Variants in CA6 observed in about 807,000 individuals in gnomAD.
CA6 encodes carbonic anhydrase 6.
In CA6, 28 loss-of-function variants were observed where a neutral mutation model predicts 35.9. That is an observed-to-expected ratio of 0.78 (90% CI 0.58 to 1.07). The LOEUF (loss-of-function observed/expected upper bound fraction) is 1.07. CA6 is among the 50% of genes least tolerant of loss of function. The pLI is 0.00. For synonymous variants in CA6, 148 were observed against 152.6 expected, an observed-to-expected ratio of 0.97 and a Z score of 0.22; for missense variants, 377 against 382.0, an observed-to-expected ratio of 0.99 and a Z score of 0.11.
At position 8,951,109 on chromosome 1, in the gene CA6, G is replaced by A. The variant is rs748665975; in HGVS notation, c.259+1667G>A. 7.2e-5 allele frequency among the ~76,000 whole-genome samples: 11 copies of A among 152,092 alleles called. 1 individual carries two copies. Among genetic ancestry groups the A allele is most frequent in the African/African-American group, 1.7e-4 (7 of 41,442 alleles). ...CGCATGCCTGTAATCCCAGCTACTC[G>A]GGAGGCTGAGGCAGGAGAATCACTT... On this transcript the variant is annotated intron_variant, in intron 2 of 7. Transcript: ENST00000377443.
chr1:8,946,087 G>C lies in CA6; in HGVS notation c.79+122G>C. 7 of 654,250 alleles carry C rather than the reference G, an allele frequency of 1.1e-5. 1 individual carries two copies. The highest frequency in any genetic ancestry group is 5.5e-5 in the African/African-American group (3 of 54,438). The allele number at this position is 654,250 out of a possible 1,614,324, so 40.5% of individuals were successfully genotyped here. A position where few individuals can be genotyped will look rare whatever the true frequency, so the allele number is the denominator to read the frequency against. On this transcript the variant is annotated intron_variant, in intron 1 of 7. Transcript: ENST00000377443. ...AAGTCTTGCTCTGTTGCCCAGGCTT[G>C]AGTACAGTAGTGTGATGTTGGCTCA...
intron 4 of CA6, among the ~76,000 whole-genome samples, chr1:8,961,527 T>C (rs1344538367): frequency 6.6e-6 from 1 of 152,140 alleles, no homozygotes; most frequent in Admixed American, 6.6e-5. Context: ...ATGGTAATCA[T>C]TTGAGCAACC....
At chr1:8,951,234 G>A (rs28390126) in intron 2 of CA6, among the ~76,000 whole-genome samples, 5,661 of 33,616 alleles carry the variant, frequency 0.17, 272 homozygotes, top group African/African-American at 0.33. Context: ...AAAAAAAAAA[G>A]AAAGAAAGAA....
intron 7 of CA6, among the ~76,000 whole-genome samples, chr1:8,972,662 G>A (rs922371623): frequency 6.6e-5 from 10 of 151,960 alleles, no homozygotes; most frequent in Admixed American, 2.6e-4. Context: ...CAGCCTGGGC[G>A]ACAGAGAGAG....
At chr1:8,952,963 TG>T (rs1282307732) in intron 2 of CA6, among the ~76,000 whole-genome samples, 2 of 152,230 alleles carry the variant, frequency 1.3e-5, no homozygotes, top group African/African-American at 4.8e-5. Flanking sequence ...AGTCAGGTTT[TG>T]AAAGGTTTCT....
chr1:8,959,118 C>T (rs529832256), intron 4 of CA6, 116 bp downstream of exon 4: 2 of 669,896 alleles, frequency 3.0e-6, no homozygotes, highest in East Asian at 2.7e-5. Context: ...TTTTCCTGAG[C>T]TCACAGTTCT....
intron 5 of CA6, among the ~76,000 whole-genome samples, chr1:8,967,299 C>A (rs922292021): frequency 3.9e-5 from 6 of 152,196 alleles, no homozygotes; most frequent in African/African-American, 1.4e-4. Flanking sequence ...AGCAGTTACA[C>A]TTAGGAGTAC....
chr1:8,954,185 T>C lies in CA6; in HGVS notation c.260-2952T>C, dbSNP rs1008726539. ...TTCCACTACTTCCGTTTTTTTTTTT[T>C]TTTGGAGACAGAATCTTGCTCTGAG... On this transcript the variant is annotated intron_variant, in intron 2 of 7. Transcript: ENST00000377443. Among the ~76,000 whole-genome samples, 64 of 152,086 alleles carry C rather than the reference T, an allele frequency of 4.2e-4. 1 individual carries two copies. The highest frequency in any genetic ancestry group is 1.4e-3 in the Admixed American group (21 of 15,256).
At chr1:8,955,538 T>C (rs1412038532) in intron 2 of CA6, among the ~76,000 whole-genome samples, 1 of 143,986 alleles carries the variant, frequency 6.9e-6, no homozygotes, top group East Asian at 2.2e-4. Flanking sequence ...TCTCCTGTGG[T>C]GCTTACTGTC....
chr1:8,948,969 CAA>C (rs35309398), intron 1 of CA6, among the ~76,000 whole-genome samples: 112 of 141,038 alleles, frequency 7.9e-4, no homozygotes, highest in South Asian at 1.8e-3. Context: ...GACCCTGTCT[CAA>C]AAAAAAAAAA....
chr1:8,953,643 A>AG (rs1240796303), intron 2 of CA6, among the ~76,000 whole-genome samples: 11 of 137,190 alleles, frequency 8.0e-5, no homozygotes, highest in Non-Finnish European at 1.3e-4. Context: ...CAATCAGTCA[A>AG]TCAATCAATC....
At chr1:8,960,789 C>CACACACACACACACACATATATATAT (rs59987426) in intron 4 of CA6, among the ~76,000 whole-genome samples, 80 of 116,940 alleles carry the variant, frequency 6.8e-4, no homozygotes, top group Non-Finnish European at 1.1e-3. Flanking sequence ...CACACACACA[C>CACACACACACACACACATATATATAT]ATATATATAA....
intron 7 of CA6, 170 bp from the exon 8 acceptor site, chr1:8,974,452 C>A: frequency 6.6e-7 from 1 of 1,522,286 alleles, no homozygotes; most frequent in Non-Finnish European, 8.8e-7. Context: ...TGAGTTCAAA[C>A]ACAGTGAAGA....
chr1:8,951,663 G>C, intron 2 of CA6: 1 of 764,602 alleles, frequency 1.3e-6, no homozygotes, highest in South Asian at 1.3e-5. Flanking sequence ...AGCGGCTCCC[G>C]CCTCCCAATT....
In CA6 at chr1:8,947,062, C is replaced by G. The variant is rs890420231; in HGVS notation, c.79+1097C>G. On this transcript the variant is annotated intron_variant, in intron 1 of 7. Transcript: ENST00000377443. ...CAAGTGATCCGCCCACCTTAGCCTC[C>G]CAAAGTGCTGGGATTACAGGCGTGA... is the stretch of plus-strand genomic sequence containing the variant. Among the ~76,000 whole-genome samples the G allele has an allele frequency of 4.6e-5, 7 of 152,028 alleles. No individual in the cohort carries two copies. In the East Asian group the frequency reaches 1.3e-3, roughly 29 times the overall value.
intron 2 of CA6, 145 bp from the exon 3 acceptor site, chr1:8,956,992 T>G: frequency 1.5e-6 from 1 of 648,080 alleles, no homozygotes; most frequent in East Asian, 3.0e-5. Context: ...TTGGTGACCC[T>G]GCCCATGGCA....
At position 8,962,685 on chromosome 1, in the gene CA6, G is replaced by A. The variant is rs374270351; in HGVS notation, c.571+29G>A. The A allele has an allele frequency of 2.9e-5, 46 of 1,584,830 alleles. No individual in the cohort carries two copies. The African/African-American group carries it at 5.4e-4, about 19-fold the overall frequency. The stretch of plus-strand genomic sequence containing the variant: ...AGGGAAGCCAACTGTGGCTGCAGGA[G>A]GGAAGGGGAATGAGTGTGAGTGTGA... On this transcript the variant is annotated intron_variant, in intron 5 of 7. Coordinates refer to ENST00000377443, the MANE Select transcript of CA6 (RefSeq NM_001215.4).
In CA6 at chr1:8,963,076, GT is replaced by G. The variant is rs548435484; in HGVS notation, c.571+421del. Among the ~76,000 whole-genome samples, 39 of 152,192 alleles carry G rather than the reference GT, an allele frequency of 2.6e-4. No homozygotes were observed. The highest frequency in any genetic ancestry group is 4.0e-4 in the Non-Finnish European group (27 of 68,010). On this transcript the variant is annotated intron_variant, in intron 5 of 7. Transcript: ENST00000377443. This position sits in a 1 kb window ranked among gnomAD's most constrained non-coding sequence, Gnocchi z 4.1. Reference sequence around the variant, plus strand: ...ATCCAGACACTCGGGGTGTTCTTCCGTCCCCTCTCCTCCAGAGGGCGGCGTT... The same window carrying G: ...ATCCAGACACTCGGGGTGTTCTTCCGCCCCTCTCCTCCAGAGGGCGGCGTT...
rs1208281753 is a variant in CA6, at chr1:8,957,221, G to A, written c.344G>A (p.Gly115Glu). Residue 115 changes from glycine (G) to glutamate (E), a missense_variant, in exon 3 of 8, where the codon GGA becomes GAA. Gly to Glu is a moderately conservative substitution (Grantham distance 98). Transcript: ENST00000377443. ...GCCCAGCAGATGCACTTTCACTGGG[G>A]AGGTGCGTCCTCGGAGATCAGCGGC... ...YIAQQMHFHW[G>E]GASSEISGSE... 2 of 1,613,986 alleles carry A rather than the reference G, an allele frequency of 1.2e-6. No individual in the cohort carries two copies. Among genetic ancestry groups the A allele is most frequent in the Non-Finnish European group, 1.7e-6 (2 of 1,179,962 alleles).
Sources: allele counts gnomAD v4.1 joint callset (sites outside exome capture counted in the v4.1 genomes callset), GRCh38; gene constraint gnomAD v4.1.1; non-coding constraint Gnocchi (gnomAD v3.1); transcripts MANE v1.5; gene names NCBI Gene and HGNC (gene_info 2026-07-23, HGNC 2026-07-21).